The following ARHGAP44 variants were observed in gnomAD, a reference collection of about 807,000 sequenced individuals.
ARHGAP44 encodes the protein Rho GTPase activating protein 44.
A neutral mutation model predicts 106.8 loss-of-function variants in ARHGAP44; 43 were observed. That is an observed-to-expected ratio of 0.40 (90% CI 0.32 to 0.52). ARHGAP44 has a LOEUF of 0.52. Ranked by LOEUF, ARHGAP44 falls within the 20% of genes least tolerant of loss-of-function variation. The pLI, the probability that ARHGAP44 is intolerant of heterozygous loss-of-function variation, is 0.48. For synonymous variants in ARHGAP44, 439 were observed against 410.3 expected (o/e 1.07, Z -0.85); for missense variants, 866 against 1,050.5 (o/e 0.82, Z 2.43).
chr17:12,813,067 A>T (rs1355695199), intron 1 of ARHGAP44, among the ~76,000 whole-genome samples: 3 of 152,330 alleles, frequency 2.0e-5, no homozygotes, highest in Middle Eastern at 3.4e-3. Flanking sequence ...CCAATGCTGC[A>T]GTCAGGCCAG....
At chr17:12,930,830 C>T (rs1233680565) in intron 7 of ARHGAP44, among the ~76,000 whole-genome samples, 2 of 152,170 alleles carry the variant, frequency 1.3e-5, no homozygotes, top group African/African-American at 2.4e-5. Context: ...CTAATATTCT[C>T]TCCCTTCCTG....
chr17:12,853,098 A>G (rs1431205625), intron 1 of ARHGAP44, among the ~76,000 whole-genome samples: 1 of 152,178 alleles, frequency 6.6e-6, no homozygotes, highest in Non-Finnish European at 1.5e-5. Flanking sequence ...GCTAAGGAGC[A>G]AGGAAGCCAG....
At chr17:12,835,171 G>A (rs116882379) in intron 1 of ARHGAP44, among the ~76,000 whole-genome samples, 3,816 of 152,214 alleles carry the variant, frequency 0.025, 74 homozygotes, top group Non-Finnish European at 0.036. Flanking sequence ...TAGAATGTTC[G>A]TATCAAATCT....
At chr17:12,793,919 C>T (rs954500538) in intron 1 of ARHGAP44, among the ~76,000 whole-genome samples, 8 of 152,216 alleles carry the variant, frequency 5.3e-5, no homozygotes, top group Non-Finnish European at 7.4e-5. Flanking sequence ...AAGATCCATG[C>T]GCTATAGATA....
intron 1 of ARHGAP44, among the ~76,000 whole-genome samples, chr17:12,812,411 T>C (rs2034466240): frequency 6.6e-6 from 1 of 152,116 alleles, no homozygotes; most frequent in African/African-American, 2.4e-5. Context: ...GCTAGCAAAG[T>C]ACACTAAAGC....
At chr17:12,959,040 C>T in intron 16 of ARHGAP44, 143 bp downstream of exon 16, 2 of 1,034,772 alleles carry the variant, frequency 1.9e-6, no homozygotes, top group South Asian at 2.9e-5. Flanking sequence ...TAAACTGTAT[C>T]TGCTGTGTCT....
chr17:12,869,583 C>G (rs947658778), intron 1 of ARHGAP44, among the ~76,000 whole-genome samples: 1 of 152,078 alleles, frequency 6.6e-6, no homozygotes, highest in Admixed American at 6.6e-5. Flanking sequence ...CAACTCTTTC[C>G]GTCTTTGAAG....
chr17:12,847,479 C>G (rs908633986), intron 1 of ARHGAP44, among the ~76,000 whole-genome samples: 2 of 150,354 alleles, frequency 1.3e-5, no homozygotes, highest in African/African-American at 2.4e-5. Context: ...AGCCTCAGCC[C>G]TCCCCTACAC....
At chr17:12,986,456 A>C (rs1271856075) in intron 20 of ARHGAP44, 2 of 152,554 alleles carry the variant, frequency 1.3e-5, no homozygotes, top group East Asian at 3.9e-4. Flanking sequence ...GTGTCAATAC[A>C]TAAGCAATAG....
rs1431525207 is a variant in ARHGAP44 at position 12,952,542 on chromosome 17, C to T, written c.1097C>T (p.Ala366Val). The change falls in exon 13 of 21, where the codon GCT becomes GTT. Residue 366 changes from alanine (A) to valine (V), a missense_variant. Ala to Val is a moderately conservative substitution (Grantham distance 64). Transcript: ENST00000379672. ...AAGAAGCTTCAGGCTCTATGGAATG[C>T]TTGTGAAAAGTTGCCCAAGGCCAAT... ...QDKKLQALWN[A>V]CEKLPKANHN... 2 of 1,580,582 alleles carry T rather than the reference C, an allele frequency of 1.3e-6. No individual in the cohort carries two copies. Among genetic ancestry groups the T allele is most frequent in the South Asian group, 2.3e-5 (2 of 85,804 alleles).
intron 3 of ARHGAP44, among the ~76,000 whole-genome samples, chr17:12,902,858 C>T (rs929450977): frequency 1.3e-5 from 2 of 152,130 alleles, no homozygotes; most frequent in African/African-American, 4.8e-5. Flanking sequence ...AGGTAAAGCA[C>T]GTACATGCCT....
chr17:12,953,861 A>G (rs921926423), intron 13 of ARHGAP44, among the ~76,000 whole-genome samples: 7 of 152,070 alleles, frequency 4.6e-5, no homozygotes, highest in Non-Finnish European at 8.8e-5. Flanking sequence ...GCCAGGGGCT[A>G]GGAGACAGGA....
In ARHGAP44 at chr17:12,949,582, G is replaced by A; in HGVS notation, c.974-67G>A. ...CCCAGATGGAACCCACATAGGCAGT[G>A]CTGGCTGGTGGGTCTTGCCTCTGCC... On this transcript the variant is annotated intron_variant, in intron 11 of 20. Coordinates refer to ENST00000379672, the MANE Select transcript of ARHGAP44 (RefSeq NM_014859.6). The surrounding 1 kb of genome is among the most constrained non-coding windows in gnomAD (Gnocchi z 4.1). 6.8e-7 allele frequency: 1 copy of A among 1,474,066 alleles called. No homozygotes were observed. The highest frequency in any genetic ancestry group is 9.4e-7 in the Non-Finnish European group (1 of 1,059,288). 91.3% of individuals were successfully genotyped at this position (1,474,066 alleles called of 1,614,324 possible).
chr17:12,825,313 C>CA (rs1172425992), intron 1 of ARHGAP44, among the ~76,000 whole-genome samples: 6 of 149,616 alleles, frequency 4.0e-5, no homozygotes, highest in African/African-American at 1.5e-4. Context: ...GCTGGGATTA[C>CA]AGCATGAGCC....
intron 18 of ARHGAP44, among the ~76,000 whole-genome samples, chr17:12,975,813 A>AG (rs1165177186): frequency 2.7e-5 from 4 of 150,642 alleles, no homozygotes; most frequent in African/African-American, 7.3e-5. Flanking sequence ...AAAAAAAAAA[A>AG]AAAAGAAAAA....
At chr17:12,801,007 A>T (rs1457341155) in intron 1 of ARHGAP44, among the ~76,000 whole-genome samples, 1 of 152,280 alleles carries the variant, frequency 6.6e-6, no homozygotes, top group Non-Finnish European at 1.5e-5. Context: ...CAAGGAGCAT[A>T]AAGTGAAATT....
chr17:12,912,131 A>AGATT (rs1211859564), intron 4 of ARHGAP44, among the ~76,000 whole-genome samples: 4 of 152,246 alleles, frequency 2.6e-5, no homozygotes, highest in African/African-American at 9.6e-5. Flanking sequence ...TGGAAGAAAC[A>AGATT]GATTGTGTAG....
Position 12,915,842 on chromosome 17 carries a change from C to T in ARHGAP44, c.276-58C>T, listed in dbSNP as rs143109463. The T allele has an allele frequency of 9.7e-4, 1,410 of 1,451,570 alleles. 11 individuals carry two copies. In the African/African-American group the frequency reaches 0.016, roughly 16 times the overall value. The allele number at this position is 1,451,570 out of a possible 1,614,324, so 89.9% of individuals were successfully genotyped here. A position where few individuals can be genotyped will look rare whatever the true frequency, so the allele number is the denominator to read the frequency against. Reference sequence around the variant, plus strand: ...GAGCCAGGAGGTGAGGGGAGGGTAACGCCAGTGAAATGTTGTCTTCAAGAG... The same window carrying T: ...GAGCCAGGAGGTGAGGGGAGGGTAATGCCAGTGAAATGTTGTCTTCAAGAG... On this transcript the variant is annotated intron_variant, in intron 4 of 20. Transcript: ENST00000379672.
chr17:12,820,920 C>A (rs1010063251), intron 1 of ARHGAP44, among the ~76,000 whole-genome samples: 4 of 152,040 alleles, frequency 2.6e-5, no homozygotes, highest in African/African-American at 9.7e-5. Context: ...TATCTAAAAC[C>A]CTGAAGAATG....
Sources: gnomAD v4.1 joint callset for allele counts (sites outside exome capture counted in the v4.1 genomes callset) on GRCh38, gnomAD v4.1.1 for gene constraint, Gnocchi (gnomAD v3.1) non-coding constraint, MANE v1.5 for transcripts, NCBI Gene and HGNC (gene_info 2026-07-23, HGNC 2026-07-21) for gene names.